The following ZFYVE9 variants were observed in gnomAD, a reference collection of about 807,000 sequenced individuals.
The protein encoded by ZFYVE9 is zinc finger FYVE domain-containing protein 9.
ZFYVE9 carries 43 observed loss-of-function variants against 126.7 expected under a neutral mutation model. That is an observed-to-expected ratio of 0.34 (90% CI 0.27 to 0.44). The LOEUF is 0.44. Among genes scored for constraint, ZFYVE9 ranks in the 20% least tolerant of loss-of-function variants. ZFYVE9 has a pLI of 1.00. For missense variants in ZFYVE9, 1,476 were observed against 1,697.0 expected, an observed-to-expected ratio of 0.87 and a Z score of 2.29; for synonymous variants, 521 against 597.4, an observed-to-expected ratio of 0.87 and a Z score of 1.87.
At chr1:52,156,834 C>CA (rs1644406907) in intron 1 of ZFYVE9, among the ~76,000 whole-genome samples, 1 of 143,416 alleles carries the variant, frequency 7.0e-6, no homozygotes, top group African/African-American at 2.5e-5. Context: ...ACTTTAGTGA[C>CA]ATTCTTTTTT....
At position 52,299,824 on chromosome 1, in the gene ZFYVE9, T is replaced by A. The variant is rs556464680; in HGVS notation, c.3333+3847T>A. 6.6e-5 allele frequency among the ~76,000 whole-genome samples: 10 copies of A among 152,286 alleles called. No homozygotes were observed. In the South Asian group the frequency reaches 2.1e-3, roughly 32 times the overall value. The stretch of plus-strand genomic sequence containing the variant: ...AGGCAGGATGAACTCTAGCAGTGGG[T>A]CCAGTTTCAAGATGGCACCATGCTA... On this transcript the variant is annotated intron_variant, in intron 12 of 18. Coordinates refer to ENST00000287727, the MANE Select transcript of ZFYVE9 (RefSeq NM_004799.4).
rs1373330155 is a variant in ZFYVE9, at chr1:52,237,851, A to C, written c.434A>C (p.Glu145Ala). Residue 145 changes from glutamate (E) to alanine (A), a missense_variant, in exon 4 of 19, where the codon GAG becomes GCG. This residue lies in a region of ZFYVE9 where 807 missense variants were observed against 794.6 expected (regional missense o/e 1.02). Transcript: ENST00000287727. Reference protein sequence around the residue: ...KCGNLACLPDEKNVLVVAVMH... With the variant: ...KCGNLACLPDAKNVLVVAVMH... Reference sequence around the variant, plus strand: ...GGAAACCTGGCTTGTCTGCCAGATGAGAAGAATGTTCTTGTTGTAGCCGTC... The same window carrying C: ...GGAAACCTGGCTTGTCTGCCAGATGCGAAGAATGTTCTTGTTGTAGCCGTC... 6.2e-7 allele frequency: 1 copy of C among 1,614,110 alleles called. No homozygotes were observed. Among genetic ancestry groups the C allele is most frequent in the Non-Finnish European group, 8.5e-7 (1 of 1,179,984 alleles).
chr1:52,346,022 G>A (rs1052284997), intron 18 of ZFYVE9, 38 bp from the exon 19 acceptor site: 6 of 1,538,202 alleles, frequency 3.9e-6, no homozygotes, highest in Admixed American at 4.0e-5. Context: ...GGCCTTCTCT[G>A]TTCAGTAACC....
intron 11 of ZFYVE9, among the ~76,000 whole-genome samples, chr1:52,294,860 C>G (rs1372327665): frequency 6.6e-6 from 1 of 152,168 alleles, no homozygotes; most frequent in Non-Finnish European, 1.5e-5. Flanking sequence ...AGAGATGAGC[C>G]AGACTGATTT....
intron 13 of ZFYVE9, among the ~76,000 whole-genome samples, chr1:52,312,492 C>A (rs1646147721): frequency 6.6e-6 from 1 of 152,158 alleles, no homozygotes; most frequent in Non-Finnish European, 1.5e-5. Context: ...TTGCAACAAC[C>A]CATGTAGCAT....
chr1:52,292,024 A>G (rs1645925559), intron 10 of ZFYVE9, among the ~76,000 whole-genome samples: 1 of 151,990 alleles, frequency 6.6e-6, no homozygotes, highest in Non-Finnish European at 1.5e-5. Context: ...CGCGCCTGTA[A>G]TCCCAGCACT....
At chr1:52,149,572 T>C (rs1333803743) in intron 1 of ZFYVE9, among the ~76,000 whole-genome samples, 1 of 152,226 alleles carries the variant, frequency 6.6e-6, no homozygotes, top group Non-Finnish European at 1.5e-5. Context: ...TTTATATAAA[T>C]ACAAATGTCA....
chr1:52,236,842 A>G (rs1645277386), intron 3 of ZFYVE9, among the ~76,000 whole-genome samples: 1 of 152,184 alleles, frequency 6.6e-6, no homozygotes, highest in African/African-American at 2.4e-5. Context: ...TAAGAAGTAT[A>G]ATAAACCCCA....
intron 1 of ZFYVE9, among the ~76,000 whole-genome samples, chr1:52,164,632 T>G (rs2124516317): frequency 6.6e-6 from 1 of 152,040 alleles, no homozygotes; most frequent in Middle Eastern, 3.4e-3. Context: ...GTATATATCT[T>G]TGTCCGTCCG....
intron 10 of ZFYVE9, among the ~76,000 whole-genome samples, chr1:52,283,403 T>G (rs1218960557): frequency 3.3e-5 from 5 of 152,196 alleles, no homozygotes; most frequent in Admixed American, 3.3e-4. Flanking sequence ...GATTTGCATT[T>G]TAGAAAGATG....
At chr1:52,258,416 G>A (rs922658807) in intron 4 of ZFYVE9, among the ~76,000 whole-genome samples, 37 of 152,208 alleles carry the variant, frequency 2.4e-4, no homozygotes, top group Non-Finnish European at 4.6e-4. Context: ...AATGACTGAG[G>A]TTGCTACTGG....
At chr1:52,161,410 C>A (rs1644458404) in intron 1 of ZFYVE9, among the ~76,000 whole-genome samples, 1 of 152,196 alleles carries the variant, frequency 6.6e-6, no homozygotes. Context: ...CTGCCTCAGC[C>A]TCCTGAGTAG....
chr1:52,335,251 T>A (rs1428482172), intron 15 of ZFYVE9: 1 of 154,136 alleles, frequency 6.5e-6, no homozygotes, highest in African/African-American at 2.4e-5. Flanking sequence ...GTTTTGATTT[T>A]GCTACTCTTA....
At chr1:52,268,831 A>G (rs889232852) in intron 7 of ZFYVE9, among the ~76,000 whole-genome samples, 199 bp downstream of exon 7, 8 of 152,224 alleles carry the variant, frequency 5.3e-5, no homozygotes, top group Admixed American at 6.5e-5. Flanking sequence ...TTCAGGAGAA[A>G]GGTTCTTAAT....
At position 52,182,851 on chromosome 1, in the gene ZFYVE9, A is replaced by C. The variant is rs1213890390; in HGVS notation, c.-142-33518A>C. Among the ~76,000 whole-genome samples, 3 of 152,186 alleles carry C rather than the reference A, an allele frequency of 2.0e-5. No homozygotes were observed. In the East Asian group the frequency reaches 5.8e-4, roughly 29 times the overall value. On this transcript the variant is annotated intron_variant, in intron 1 of 18. Coordinates refer to ENST00000287727, the MANE Select transcript of ZFYVE9 (RefSeq NM_004799.4). ...ATAAAACCAGCTATTGGTATGGCAC[A>C]TGTGTATTTTCCTCATTTATATTTT... is the stretch of plus-strand genomic sequence containing the variant.
At chr1:52,176,805 G>A (rs1205020649) in intron 1 of ZFYVE9, among the ~76,000 whole-genome samples, 2 of 152,198 alleles carry the variant, frequency 1.3e-5, no homozygotes, top group African/African-American at 2.4e-5. Flanking sequence ...CCAGGTGTGG[G>A]ATATAATCTC....
chr1:52,157,254 G>A (rs1313538026), intron 1 of ZFYVE9, among the ~76,000 whole-genome samples: 1 of 152,040 alleles, frequency 6.6e-6, no homozygotes, highest in Non-Finnish European at 1.5e-5. Context: ...CCAGGAACTG[G>A]GAAAGGGATA....
intron 4 of ZFYVE9, among the ~76,000 whole-genome samples, chr1:52,258,236 G>A (rs1320393273): frequency 6.6e-6 from 1 of 152,128 alleles, no homozygotes; most frequent in Admixed American, 6.5e-5. Flanking sequence ...AAGATATATG[G>A]CATATGGTAA....
chr1:52,309,359 G>A lies in ZFYVE9; in HGVS notation c.3438+5434G>A, dbSNP rs148188654. Among the ~76,000 whole-genome samples, 357 of 152,262 alleles carry A rather than the reference G, an allele frequency of 2.3e-3. 8 individuals carry two copies. Among genetic ancestry groups the A allele is most frequent in the African/African-American group, 8.4e-3 (350 of 41,578 alleles). ...TGGGCATGGTGGCGCATGCCCCGTA[G>A]TCCCAGCTACTTGGGAGGCTGAGGT... On this transcript the variant is annotated intron_variant, in intron 13 of 18. Transcript: ENST00000287727.
Sources: allele counts gnomAD v4.1 joint callset (sites outside exome capture counted in the v4.1 genomes callset), GRCh38; gene constraint gnomAD v4.1.1; regional missense constraint gnomAD v4.1.1; transcripts MANE v1.5; gene names NCBI Gene and HGNC (gene_info 2026-07-23, HGNC 2026-07-21).